Variants in SNX19 observed in about 807,000 individuals in gnomAD.
SNX19 encodes the protein sorting nexin-19.
Under a neutral mutation model 85.2 loss-of-function variants are expected in SNX19, and 60 were observed. The observed-to-expected ratio is 0.70, with a 90% CI of 0.57 to 0.87. The LOEUF is 0.87. SNX19 is among the 40% of genes least tolerant of loss of function. The pLI is 0.00. For synonymous variants in SNX19, 520 were observed against 470.0 expected, an observed-to-expected ratio of 1.11 and a Z score of -1.38; for missense variants, 1,201 against 1,217.8, an observed-to-expected ratio of 0.99 and a Z score of 0.21.
intron 10 of SNX19, 55 bp from the exon 11 acceptor site, chr11:130,878,609 C>A: frequency 2.5e-6 from 4 of 1,583,908 alleles, no homozygotes; most frequent in Non-Finnish European, 3.4e-6. Flanking sequence ...AACACAAGAT[C>A]CTGTTTATGA....
chr11:130,915,427 C>T lies in SNX19; in HGVS notation c.513G>A (p.Gln171=). The T allele has an allele frequency of 6.2e-7, 1 of 1,613,934 alleles. No homozygotes were observed. The highest frequency in any genetic ancestry group is 8.5e-7 in the Non-Finnish European group (1 of 1,180,032). Reference sequence around the variant, plus strand: ...TCTTCCCTGCAGTGGCCTCCTTTGCCTGAATGTAGCTCTGCAGGTGACAAC... The same window carrying T: ...TCTTCCCTGCAGTGGCCTCCTTTGCTTGAATGTAGCTCTGCAGGTGACAAC... The part of the protein sequence containing the change: ...LCGCHLQSYI[Q]AKEATAGKNG... The change falls in exon 1 of 11, where the codon CAG becomes CAA. Residue 171 remains glutamine, a synonymous_variant. Coordinates refer to ENST00000265909, the MANE Select transcript of SNX19 (RefSeq NM_014758.3).
At chr11:130,906,380 TTCTTA>T (rs962938002) in intron 6 of SNX19, among the ~76,000 whole-genome samples, 50 of 152,336 alleles carry the variant, frequency 3.3e-4, no homozygotes, top group African/African-American at 6.0e-4. Context: ...CTAGCTTTCT[TTCTTA>T]TCTTGTCATC....
chr11:130,897,594 G>A (rs1250562086), intron 8 of SNX19, among the ~76,000 whole-genome samples: 1 of 152,098 alleles, frequency 6.6e-6, no homozygotes, highest in Admixed American at 6.6e-5. Context: ...GCAGGGCGCC[G>A]GTCCAGCTTC....
At chr11:130,880,414 A>C (rs936965061) in intron 9 of SNX19, among the ~76,000 whole-genome samples, 1 of 152,168 alleles carries the variant, frequency 6.6e-6, no homozygotes, top group Non-Finnish European at 1.5e-5. Flanking sequence ...GTTCCTTTCC[A>C]TTCCCTTGGC....
intron 9 of SNX19, among the ~76,000 whole-genome samples, chr11:130,880,158 A>G (rs773500460): frequency 7.2e-5 from 11 of 152,224 alleles, no homozygotes; most frequent in Non-Finnish European, 1.2e-4. Context: ...TTATTGCTAA[A>G]GGCCATGTAC....
rs753260863 is a variant in SNX19, at chr11:130,914,901, T to C, written c.1039A>G (p.Arg347Gly). The part of the protein sequence containing the change: ...EGDLGGMCEE[R>G]KVGNNSSHFL... ...TGAGATGAGTTGTTTCCTACTTTTC[T>C]TTCTTCACACATCCCACCCAAATCT... The change falls in exon 1 of 11, where the codon AGA becomes GGA. Residue 347 changes from arginine (R) to glycine (G), a missense_variant. Around this residue, in one of 3 missense-constraint regions of SNX19, gnomAD observed 791 missense variants for 750.9 expected, o/e 1.05. Transcript: ENST00000265909. The C allele has an allele frequency of 1.9e-6, 3 of 1,614,118 alleles. No homozygotes were observed. The East Asian group carries it at 6.7e-5, about 36-fold the overall frequency.
At chr11:130,901,917 T>C (rs1306143909) in intron 8 of SNX19, 2 of 152,182 alleles carry the variant, frequency 1.3e-5, no homozygotes, top group African/African-American at 2.4e-5. Flanking sequence ...GTGCAGAATA[T>C]ATGTTCAGAT....
chr11:130,877,863 A>C lies in SNX19; in HGVS notation c.*559T>G, dbSNP rs1190214821. On this transcript the variant is annotated 3_prime_UTR_variant, in exon 11 of 11. Transcript: ENST00000265909. ...CACATGAGCAAGAAGTTCCTTGAAAAATTTTCTTCCCTCCTTCTTCTTCTG... is the reference window on the plus strand; with the variant it reads ...CACATGAGCAAGAAGTTCCTTGAAACATTTTCTTCCCTCCTTCTTCTTCTG... 6.6e-6 allele frequency: 1 copy of C among 152,360 alleles called. No homozygotes were observed. The highest frequency in any genetic ancestry group is 2.4e-5 in the African/African-American group (1 of 41,398). The allele number at this position is 152,360 out of a possible 1,614,324, so 9.4% of individuals were successfully genotyped here.
chr11:130,914,535 G>A lies in SNX19; in HGVS notation c.1405C>T (p.Leu469=). 1.2e-6 allele frequency: 2 copies of A among 1,613,958 alleles called. No homozygotes were observed. The highest frequency in any genetic ancestry group is 1.7e-6 in the Non-Finnish European group (2 of 1,179,860). The change falls in exon 1 of 11, where the codon CTG becomes TTG. Residue 469 remains leucine (L), a synonymous_variant. Coordinates refer to ENST00000265909, the MANE Select transcript of SNX19 (RefSeq NM_014758.3). ...GGGCAGGTCTTTTCTGGCCCCTCCA[G>A]CAAAGCTGTAACAGAGGCGGTAACA... The part of the protein sequence containing the change: ...GDVTASVTAL[L]EGPEKTCPSR...
Position 130,915,465 on chromosome 11 carries a change from G to A in SNX19, c.475C>T (p.Leu159=), listed in dbSNP as rs757724570. Residue 159 remains leucine, a synonymous_variant, in exon 1 of 11, where the codon CTG becomes TTG. Transcript: ENST00000265909. ...TGCAGGTGACAACCGCAGAGAGTCAGAACACTCTGGGCAACAGCATGACTG... is the reference window on the plus strand; with the variant it reads ...TGCAGGTGACAACCGCAGAGAGTCAAAACACTCTGGGCAACAGCATGACTG... The part of the protein sequence containing the change: ...MDSHAVAQSV[L]TLCGCHLQSY... The A allele has an allele frequency of 6.2e-7, 1 of 1,614,014 alleles. No individual in the cohort carries two copies. The highest frequency in any genetic ancestry group is 2.2e-5 in the East Asian group (1 of 44,894).
Position 130,872,724 on chromosome 11 carries a change from T to C in SNX19, c.*5698A>G, listed in dbSNP as rs1425740505. On this transcript the variant is annotated 3_prime_UTR_variant, in exon 11 of 11. Transcript: ENST00000265909. ...GAAAGGAAGCAGAGGGGCCAAGTTA[T>C]GGCAGAGTGCGCCCAGTTAGGCCTT... 6.6e-6 allele frequency among the ~76,000 whole-genome samples: 1 copy of C among 152,206 alleles called. No individual in the cohort carries two copies. The highest frequency in any genetic ancestry group is 1.5e-5 in the Non-Finnish European group (1 of 68,046).
rs763935530 is a variant in SNX19 at position 130,872,494 on chromosome 11, T to C, written c.*5928A>G. Among the ~76,000 whole-genome samples the C allele has an allele frequency of 6.6e-6, 1 of 152,168 alleles. No individual in the cohort carries two copies. The highest frequency in any genetic ancestry group is 1.5e-5 in the Non-Finnish European group (1 of 68,024). Reference sequence around the variant, plus strand: ...TCTCTTAAACCAGTCAATGTTGTCTTTGTGTAATAAGAAATATCAGGTAAG... The same window carrying C: ...TCTCTTAAACCAGTCAATGTTGTCTCTGTGTAATAAGAAATATCAGGTAAG... On this transcript the variant is annotated 3_prime_UTR_variant, in exon 11 of 11. Coordinates refer to ENST00000265909, the MANE Select transcript of SNX19 (RefSeq NM_014758.3).
At chr11:130,900,686 T>C (rs577477086) in intron 8 of SNX19, among the ~76,000 whole-genome samples, 78 of 152,286 alleles carry the variant, frequency 5.1e-4, no homozygotes, top group Non-Finnish European at 1.0e-3. Flanking sequence ...TACTGAATAA[T>C]TTCTCGTGTT....
chr11:130,903,504 C>G, intron 7 of SNX19, 120 bp from the exon 8 acceptor site: 1 of 1,094,864 alleles, frequency 9.1e-7, no homozygotes, highest in Non-Finnish European at 1.3e-6. Flanking sequence ...GGTATTTTTG[C>G]AATCCCTCTA....
At chr11:130,910,867 G>C (rs1946053332) in intron 2 of SNX19, among the ~76,000 whole-genome samples, 1 of 152,110 alleles carries the variant, frequency 6.6e-6, no homozygotes, top group Non-Finnish European at 1.5e-5. Flanking sequence ...AAAGTAACCA[G>C]TTACTAATCC....
intron 8 of SNX19, among the ~76,000 whole-genome samples, chr11:130,883,564 C>T (rs1943841213): frequency 6.6e-6 from 1 of 152,156 alleles, no homozygotes; most frequent in Non-Finnish European, 1.5e-5. Context: ...TTATTCTTCT[C>T]CACACTCTGA....
At chr11:130,896,295 A>G (rs1944872818) in intron 8 of SNX19, among the ~76,000 whole-genome samples, 1 of 152,204 alleles carries the variant, frequency 6.6e-6, no homozygotes, top group African/African-American at 2.4e-5. Flanking sequence ...TTCCTGAGAA[A>G]CTCTGAGTCT....
At position 130,914,683 on chromosome 11, in the gene SNX19, A is replaced by G. The variant is rs1228978884; in HGVS notation, c.1257T>C (p.Ser419=). The change falls in exon 1 of 11, where the codon TCT becomes TCC. Residue 419 remains serine (S), a synonymous_variant. Coordinates refer to ENST00000265909, the MANE Select transcript of SNX19 (RefSeq NM_014758.3). ...GACCCTCCTCAGCCTCTGCTCCTTC[A>G]GATGCCTCACCATCTTTGGGTTCCA... ...QALEPKDGEA[S]EGAEAEEGPG... is the part of the protein sequence containing the mutation. The G allele has an allele frequency of 6.2e-7, 1 of 1,613,854 alleles. No homozygotes were observed. The highest frequency in any genetic ancestry group is 8.5e-7 in the Non-Finnish European group (1 of 1,179,848).
chr11:130,877,787 C>T lies in SNX19; in HGVS notation c.*635G>A, dbSNP rs1325501962. On this transcript the variant is annotated 3_prime_UTR_variant, in exon 11 of 11. Coordinates refer to ENST00000265909, the MANE Select transcript of SNX19 (RefSeq NM_014758.3). ...GGAAAGGAAAGTGTAGCCTCCCAGG[C>T]AAGCAGCCTCATGACATCTTCCATA... 2 of 152,598 alleles carry T rather than the reference C, an allele frequency of 1.3e-5. No individual in the cohort carries two copies. Among genetic ancestry groups the T allele is most frequent in the Non-Finnish European group, 1.5e-5 (1 of 68,048 alleles). 9.5% of individuals were successfully genotyped at this position (152,598 alleles called of 1,614,324 possible). A position where few individuals can be genotyped will look rare whatever the true frequency, so the allele number is the denominator to read the frequency against.
Sources: gnomAD v4.1 joint callset for allele counts (sites outside exome capture counted in the v4.1 genomes callset) on GRCh38, gnomAD v4.1.1 for gene constraint, gnomAD v4.1.1 regional missense constraint, MANE v1.5 for transcripts, NCBI Gene and HGNC (gene_info 2026-07-23, HGNC 2026-07-21) for gene names.